The following FHIT variants were observed in gnomAD, a reference collection of about 807,000 sequenced individuals.
The protein encoded by FHIT is fragile histidine triad diadenosine triphosphatase.
FHIT carries 19 observed loss-of-function variants against 17.9 expected under a neutral mutation model. That is an observed-to-expected ratio of 1.06 (90% CI 0.74 to 1.56). The LOEUF is 1.56. Among genes scored for constraint, FHIT ranks in the 40% most tolerant of loss-of-function variants. The pLI, the probability that FHIT is intolerant of heterozygous loss-of-function variation, is 0.00. For missense variants in FHIT, 248 were observed against 189.2 expected (o/e 1.31, Z -1.82); for synonymous variants, 81 against 69.7 (o/e 1.16, Z -0.81).
At chr3:60,286,995 C>A (rs1297092470) in intron 5 of FHIT, among the ~76,000 whole-genome samples, 2 of 152,154 alleles carry the variant, frequency 1.3e-5, no homozygotes, top group Non-Finnish European at 2.9e-5. Context: ...CCTGATGACC[C>A]TTCTTTTGCC....
At chr3:61,180,959 T>G (rs2038322900) in intron 2 of FHIT, among the ~76,000 whole-genome samples, 1 of 152,234 alleles carries the variant, frequency 6.6e-6, no homozygotes, top group Non-Finnish European at 1.5e-5. Context: ...TTATTAAATA[T>G]ATGCATTTCA....
intron 5 of FHIT, among the ~76,000 whole-genome samples, chr3:60,039,775 A>T (rs1009747658): frequency 2.2e-4 from 33 of 152,216 alleles, no homozygotes; most frequent in African/African-American, 8.0e-4. Context: ...CCAATGGAAG[A>T]TCTTAGAACC....
chr3:61,027,701 T>C (rs1462426905), intron 3 of FHIT, among the ~76,000 whole-genome samples: 1 of 152,182 alleles, frequency 6.6e-6, no homozygotes, highest in Admixed American at 6.5e-5. Flanking sequence ...TCATACAATA[T>C]GTATGACAGA....
At chr3:59,750,149 C>G (rs181298132) in intron 9 of FHIT, 11 of 226,730 alleles carry the variant, frequency 4.9e-5, no homozygotes, top group Admixed American at 1.1e-4. Flanking sequence ...CCAGGCAAGA[C>G]AGAAGCAAAA....
At chr3:60,816,434 G>A (rs113791503) in intron 4 of FHIT, among the ~76,000 whole-genome samples, 1 of 152,044 alleles carries the variant, frequency 6.6e-6, no homozygotes, top group East Asian at 1.9e-4. Flanking sequence ...CTTTCTTGAA[G>A]TTTTTTATCA....
At chr3:61,100,789 T>C (rs1394058747) in intron 2 of FHIT, among the ~76,000 whole-genome samples, 1 of 152,234 alleles carries the variant, frequency 6.6e-6, no homozygotes, top group Non-Finnish European at 1.5e-5. Context: ...GTGGTTTTGA[T>C]TTGCATTTTT....
At chr3:60,861,981 A>G (rs1703931324) in intron 3 of FHIT, among the ~76,000 whole-genome samples, 1 of 151,280 alleles carries the variant, frequency 6.6e-6, no homozygotes, top group Non-Finnish European at 1.5e-5. Context: ...TCACTTTGGT[A>G]ACCTAGAATA....
intron 5 of FHIT, among the ~76,000 whole-genome samples, chr3:60,464,775 G>T (rs56097800): frequency 0.043 from 6,499 of 152,192 alleles, 177 homozygotes; most frequent in Middle Eastern, 0.11. Context: ...GGGACACTTA[G>T]GTTGCTTCCA....
chr3:59,967,967 T>C (rs974299157), intron 7 of FHIT, among the ~76,000 whole-genome samples: 1 of 152,122 alleles, frequency 6.6e-6, no homozygotes, highest in Non-Finnish European at 1.5e-5. Context: ...TTATATGACA[T>C]ACTCTCTCAC....
chr3:60,679,599 T>C (rs2107859265), intron 4 of FHIT, among the ~76,000 whole-genome samples: 1 of 152,262 alleles, frequency 6.6e-6, no homozygotes, highest in Non-Finnish European at 1.5e-5. Flanking sequence ...TTTAACAATT[T>C]CACTGTTTAC....
intron 5 of FHIT, among the ~76,000 whole-genome samples, chr3:60,229,445 AAAAGAAAAGAAAG>A (rs997105484): frequency 5.9e-5 from 9 of 151,724 alleles, no homozygotes; most frequent in African/African-American, 1.9e-4. Flanking sequence ...AAAGAAAAAG[AAAAGAAAAGAAAG>A]AAAGAAAAGA....
intron 4 of FHIT, chr3:60,730,212 C>T (rs2041999653): frequency 3.0e-6 from 1 of 334,932 alleles, no homozygotes; most frequent in South Asian, 3.0e-5. Context: ...TCGTGTATTC[C>T]TCTTTGTGCT....
At chr3:60,905,462 C>G (rs1233112758) in intron 3 of FHIT, among the ~76,000 whole-genome samples, 1 of 152,132 alleles carries the variant, frequency 6.6e-6, no homozygotes, top group Non-Finnish European at 1.5e-5. Flanking sequence ...TACTTACCAG[C>G]AATGTCAGTT....
intron 5 of FHIT, among the ~76,000 whole-genome samples, chr3:60,461,553 G>A (rs535120157): frequency 6.6e-6 from 1 of 152,106 alleles, no homozygotes; most frequent in East Asian, 1.9e-4. Context: ...TGCCGAAGCA[G>A]GATCTTCTCT....
At chr3:60,370,734 C>A (rs896349348) in intron 5 of FHIT, among the ~76,000 whole-genome samples, 13 of 152,156 alleles carry the variant, frequency 8.5e-5, no homozygotes, top group Admixed American at 1.3e-4. Context: ...TGCTCTAATG[C>A]AATTTTTTAA....
chr3:60,859,937 G>T (rs1336875217), intron 3 of FHIT, among the ~76,000 whole-genome samples: 1 of 149,898 alleles, frequency 6.7e-6, no homozygotes, highest in Non-Finnish European at 1.5e-5. Context: ...CCAGCTACTG[G>T]GGAGACTGAG....
intron 2 of FHIT, among the ~76,000 whole-genome samples, chr3:61,090,674 A>G (rs2035453458): frequency 6.6e-6 from 1 of 152,138 alleles, no homozygotes; most frequent in Non-Finnish European, 1.5e-5. Context: ...AGATAAAGAG[A>G]GAAGGATATG....
intron 5 of FHIT, among the ~76,000 whole-genome samples, chr3:60,076,766 G>C (rs1169912071): frequency 6.6e-6 from 1 of 150,798 alleles, no homozygotes; most frequent in African/African-American, 2.4e-5. Context: ...AAGAAAGAAA[G>C]ATGATTGAAA....
intron 5 of FHIT, among the ~76,000 whole-genome samples, chr3:60,399,666 C>T (rs116119708): frequency 0.023 from 3,426 of 152,170 alleles, 49 homozygotes; most frequent in Non-Finnish European, 0.038. Context: ...TATTGGCTGA[C>T]AATGAGGTGG....
Sources: gnomAD v4.1 joint callset for allele counts (sites outside exome capture counted in the v4.1 genomes callset) on GRCh38, gnomAD v4.1.1 for gene constraint, MANE v1.5 for transcripts, NCBI Gene and HGNC (gene_info 2026-07-23, HGNC 2026-07-21) for gene names.